Variants in CLIP4 observed in about 807,000 individuals in gnomAD.
The protein encoded by CLIP4 is CAP-Gly domain-containing linker protein 4.
A neutral mutation model predicts 73.1 loss-of-function variants in CLIP4; 47 were observed. The observed-to-expected ratio is 0.64, with a 90% CI of 0.51 to 0.82. The LOEUF (loss-of-function observed/expected upper bound fraction) is 0.82, where lower values mean the gene tolerates loss of function less well. CLIP4 is among the 40% of genes least tolerant of loss of function. The probability of loss-of-function intolerance (pLI) is 0.00; values close to 1 mark genes in which losing one functional copy is unlikely to be tolerated. For synonymous variants in CLIP4, 306 were observed against 295.4 expected (o/e 1.04, Z -0.37); for missense variants, 874 against 852.9 (o/e 1.02, Z -0.31).
At chr2:29,168,366 A>G (rs1667763300) in intron 14 of CLIP4, among the ~76,000 whole-genome samples, 1 of 151,818 alleles carries the variant, frequency 6.6e-6, no homozygotes, top group Admixed American at 6.6e-5. Context: ...TTTTGGGAAC[A>G]TTTTGTCAAT....
At chr2:29,153,693 A>G (rs1666733460) in intron 9 of CLIP4, among the ~76,000 whole-genome samples, 4 of 152,210 alleles carry the variant, frequency 2.6e-5, no homozygotes. Flanking sequence ...ATTTGTAAAT[A>G]GTTGAGGTAG....
intron 13 of CLIP4, among the ~76,000 whole-genome samples, chr2:29,166,534 C>G (rs1465247844): frequency 1.0e-5 from 1 of 95,720 alleles, no homozygotes; most frequent in Non-Finnish European, 2.4e-5. Flanking sequence ...CACACAGACA[C>G]ACACACACAC....
At chr2:29,104,120 T>G (rs1668133397) in intron 1 of CLIP4, among the ~76,000 whole-genome samples, 1 of 152,142 alleles carries the variant, frequency 6.6e-6, no homozygotes, top group Non-Finnish European at 1.5e-5. Context: ...TCATTTTTCA[T>G]GGGTTTTAAT....
At chr2:29,131,544 C>A in intron 3 of CLIP4, 147 bp downstream of exon 3, 2 of 790,758 alleles carry the variant, frequency 2.5e-6, no homozygotes, top group Non-Finnish European at 3.9e-6. Context: ...TTTCATGGGG[C>A]AGTGAGTTAA....
chr2:29,132,263 C>G lies in CLIP4; in HGVS notation c.367+18C>G. ...TGGTATTGGTAAGTGTGTGGTAAAT[C>G]TATCAGTTGCTTATGTCATCTGCAC... On this transcript the variant is annotated intron_variant, in intron 4 of 15. Transcript: ENST00000320081. The G allele has an allele frequency of 5.7e-6, 9 of 1,578,200 alleles. No individual in the cohort carries two copies. The highest frequency in any genetic ancestry group is 7.8e-6 in the Non-Finnish European group (9 of 1,147,812).
At chr2:29,173,904 A>G (rs573139549) in intron 14 of CLIP4, among the ~76,000 whole-genome samples, 107 of 152,272 alleles carry the variant, frequency 7.0e-4, no homozygotes, top group Non-Finnish European at 1.2e-3. Context: ...GATTATCAAG[A>G]TTATCATATT....
chr2:29,132,968 G>A (rs1221559739), intron 4 of CLIP4, among the ~76,000 whole-genome samples: 2 of 152,138 alleles, frequency 1.3e-5, no homozygotes, highest in Admixed American at 6.5e-5. Context: ...CAGGAGGATT[G>A]CTTGAGGCCA....
At chr2:29,137,076 G>C (rs1337866307) in intron 6 of CLIP4, among the ~76,000 whole-genome samples, 2 of 151,900 alleles carry the variant, frequency 1.3e-5, no homozygotes, top group African/African-American at 4.8e-5. Context: ...GTACAGGTTT[G>C]TGAAATAGGT....
chr2:29,179,302 A>T (rs183190002), intron 15 of CLIP4, among the ~76,000 whole-genome samples: 36 of 152,322 alleles, frequency 2.4e-4, no homozygotes, highest in African/African-American at 8.4e-4. Context: ...TATGTTTTCT[A>T]TGTCATTTAA....
At position 29,181,869 on chromosome 2, in the gene CLIP4, A is replaced by T. The variant is rs1233733946; in HGVS notation, c.2094A>T (p.Ser698=). 6.2e-7 allele frequency: 1 copy of T among 1,608,682 alleles called. No individual in the cohort carries two copies. The highest frequency in any genetic ancestry group is 1.3e-5 in the African/African-American group (1 of 74,762). ...SRVTYRGING[S]KLVDENC ...TGACCTATCGGGGAATTAATGGGTC[A>T]AAACTTGTGGATGAGAATTGTTAAG... Residue 698 remains serine, a synonymous_variant, in exon 16 of 16, where the codon TCA becomes TCT. Transcript: ENST00000320081.
chr2:29,118,803 AGCCACCAT>A (rs1177343860), intron 1 of CLIP4, among the ~76,000 whole-genome samples: 1 of 152,156 alleles, frequency 6.6e-6, no homozygotes, highest in Non-Finnish European at 1.5e-5. Context: ...TACAGGTGTG[AGCCACCAT>A]GCCTGGCAGG....
Position 29,181,770 on chromosome 2 carries a change from T to C in CLIP4, c.1995T>C (p.Asn665=). 6.2e-7 allele frequency: 1 copy of C among 1,614,020 alleles called. No homozygotes were observed. Among genetic ancestry groups the C allele is most frequent in the Non-Finnish European group, 8.5e-7 (1 of 1,179,992 alleles). The change falls in exon 16 of 16, where the codon AAT becomes AAC. Residue 665 remains asparagine, a synonymous_variant. Transcript: ENST00000320081. The part of the protein sequence containing the change: ...GLELRSAKGK[N]DGSVGDKRYF... ...AGCTCCGAAGCGCCAAGGGAAAAAA[T>C]GATGGGTCAGTGGGTGACAAGCGCT...
At position 29,181,840 on chromosome 2, in the gene CLIP4, A is replaced by C. The variant is rs150560184; in HGVS notation, c.2065A>C (p.Arg689=). The change falls in exon 16 of 16, where the codon AGA becomes CGA. Residue 689 remains arginine, a synonymous_variant. Transcript: ENST00000320081. The part of the protein sequence containing the change: ...PNHGVLVRPS[R]VTYRGINGSK... Reference sequence around the variant, plus strand: ...CCATGGAGTCTTAGTTCGACCGAGCAGAGTGACCTATCGGGGAATTAATGG... The same window carrying C: ...CCATGGAGTCTTAGTTCGACCGAGCCGAGTGACCTATCGGGGAATTAATGG... The C allele has an allele frequency of 6.2e-7, 1 of 1,614,142 alleles. No homozygotes were observed. The highest frequency in any genetic ancestry group is 1.1e-5 in the South Asian group (1 of 91,082).
intron 1 of CLIP4, among the ~76,000 whole-genome samples, chr2:29,107,364 T>TTTTG (rs1236195142): frequency 6.2e-4 from 48 of 77,034 alleles, no homozygotes; most frequent in South Asian, 5.6e-3. Flanking sequence ...GATAGTTTTT[T>TTTTG]TTTTTTTTTT....
chr2:29,176,752 C>T (rs1668368949), intron 15 of CLIP4, among the ~76,000 whole-genome samples: 1 of 152,230 alleles, frequency 6.6e-6, no homozygotes, highest in African/African-American at 2.4e-5. Flanking sequence ...TTGTTACCAA[C>T]TCACTTAACT....
intron 6 of CLIP4, among the ~76,000 whole-genome samples, chr2:29,140,685 C>T (rs977912323): frequency 6.6e-6 from 1 of 152,026 alleles, no homozygotes; most frequent in African/African-American, 2.4e-5. Context: ...AACTAGTTTA[C>T]AGTCCCACCA....
intron 8 of CLIP4, among the ~76,000 whole-genome samples, chr2:29,148,476 T>C (rs1036422037): frequency 6.6e-6 from 1 of 152,338 alleles, no homozygotes; most frequent in African/African-American, 2.4e-5. Flanking sequence ...ACTGTTTTTA[T>C]GTCTTTTAAT....
intron 12 of CLIP4, among the ~76,000 whole-genome samples, chr2:29,160,680 T>G (rs916366155): frequency 1.4e-4 from 22 of 152,332 alleles, no homozygotes; most frequent in Admixed American, 3.3e-4. Flanking sequence ...CCATTTGTGT[T>G]TTAAATGGTC....
intron 6 of CLIP4, among the ~76,000 whole-genome samples, chr2:29,136,089 T>C (rs1223943437): frequency 6.6e-6 from 1 of 152,116 alleles, no homozygotes; most frequent in Admixed American, 6.6e-5. Flanking sequence ...GAAAATGAAA[T>C]GTTTAAAGGA....
Sources: gnomAD v4.1 joint callset for allele counts (sites outside exome capture counted in the v4.1 genomes callset) on GRCh38, gnomAD v4.1.1 for gene constraint, MANE v1.5 for transcripts, NCBI Gene and HGNC (gene_info 2026-07-23, HGNC 2026-07-21) for gene names.